CALN1: variants seen among roughly 807,000 people sequenced by gnomAD.
CALN1 encodes calneuron 1, also known as calcium-binding protein 8.
A neutral mutation model predicts 30.6 loss-of-function variants in CALN1; 17 were observed. That is an observed-to-expected ratio of 0.56 (90% confidence interval 0.38 to 0.83). The LOEUF is 0.83. Among genes scored for constraint, CALN1 ranks in the 40% least tolerant of loss-of-function variants. The pLI is 0.00. For missense variants in CALN1, 291 were observed against 354.9 expected, an observed-to-expected ratio of 0.82 and a Z score of 1.45; for synonymous variants, 156 against 131.4, an observed-to-expected ratio of 1.19 and a Z score of -1.28.
At chr7:72,310,513 G>A (rs943650506) in intron 2 of CALN1, among the ~76,000 whole-genome samples, 1 of 151,818 alleles carries the variant, frequency 6.6e-6, no homozygotes, top group Admixed American at 6.6e-5. Flanking sequence ...TCACCCTAGT[G>A]CCATTTAGAT....
chr7:72,053,408 A>G (rs896559973), intron 4 of CALN1, among the ~76,000 whole-genome samples: 3 of 152,186 alleles, frequency 2.0e-5, no homozygotes, highest in African/African-American at 7.2e-5. Context: ...ACAGAACAAC[A>G]ACTCAGAGCA....
intron 3 of CALN1, among the ~76,000 whole-genome samples, chr7:72,125,148 C>T (rs890428862): frequency 1.1e-4 from 16 of 152,210 alleles, no homozygotes; most frequent in African/African-American, 2.9e-4. Context: ...TGTGCCTCAG[C>T]GTCCTAAATA....
chr7:72,089,911 C>G (rs1380742288), intron 4 of CALN1, among the ~76,000 whole-genome samples: 1 of 152,144 alleles, frequency 6.6e-6, no homozygotes, highest in Non-Finnish European at 1.5e-5. Flanking sequence ...ATACAAAAAG[C>G]CTTGTAGCAT....
At chr7:72,219,820 C>T (rs1417470935) in intron 3 of CALN1, among the ~76,000 whole-genome samples, 2 of 152,042 alleles carry the variant, frequency 1.3e-5, no homozygotes, top group African/African-American at 4.8e-5. Context: ...ATTTCAATGG[C>T]TGAACTGTCA....
upstream of CALN1, among the ~76,000 whole-genome samples, chr7:72,415,583 A>G (rs1807396290): frequency 6.6e-6 from 1 of 152,258 alleles, no homozygotes; most frequent in Non-Finnish European, 1.5e-5. Flanking sequence ...GAAAACCAAC[A>G]CACAAGTAAC....
At chr7:72,173,154 C>T (rs947571867) in intron 3 of CALN1, among the ~76,000 whole-genome samples, 1 of 151,646 alleles carries the variant, frequency 6.6e-6, no homozygotes, top group Non-Finnish European at 1.5e-5. Flanking sequence ...TGCTGTACTT[C>T]TATATAGGAG....
intron 5 of CALN1, among the ~76,000 whole-genome samples, chr7:71,967,845 G>A (rs905012515): frequency 6.6e-6 from 1 of 152,008 alleles, no homozygotes; most frequent in Non-Finnish European, 1.5e-5. Flanking sequence ...TTATTAAACA[G>A]GCTAAAATTT....
intron 5 of CALN1, among the ~76,000 whole-genome samples, chr7:71,983,931 A>C (rs1220161513): frequency 1.3e-5 from 2 of 152,238 alleles, no homozygotes; most frequent in Non-Finnish European, 2.9e-5. Context: ...AACTATATTA[A>C]AGAGACATTA....
intron 3 of CALN1, among the ~76,000 whole-genome samples, chr7:72,136,074 G>A (rs893079087): frequency 2.0e-5 from 3 of 151,902 alleles, no homozygotes; most frequent in Non-Finnish European, 4.4e-5. Flanking sequence ...GGCAGAGGTT[G>A]CAGTGAGCCA....
chr7:71,870,851 G>A (rs1791880727), intron 5 of CALN1, among the ~76,000 whole-genome samples: 1 of 152,162 alleles, frequency 6.6e-6, no homozygotes, highest in African/African-American at 2.4e-5. Flanking sequence ...GCCTTGCATG[G>A]TTGGTGGAGA....
At chr7:71,950,452 C>G (rs976798285) in intron 5 of CALN1, among the ~76,000 whole-genome samples, 1 of 152,134 alleles carries the variant, frequency 6.6e-6, no homozygotes, top group African/African-American at 2.4e-5. Context: ...ATCTTTGATT[C>G]TGTGTCTTCC....
chr7:72,043,455 T>C (rs1191827553), intron 4 of CALN1, among the ~76,000 whole-genome samples: 2 of 152,036 alleles, frequency 1.3e-5, no homozygotes, highest in Non-Finnish European at 2.9e-5. Flanking sequence ...GAATGAAAAA[T>C]ATCAGTTAAC....
chr7:72,466,837 G>A, the CALN1 span, among the ~76,000 whole-genome samples: 3 of 126,090 alleles, frequency 2.4e-5, no homozygotes, highest in Non-Finnish European at 5.0e-5. Flanking sequence ...GAAAGAGAGA[G>A]AAAGAAAAGA....
chr7:71,978,728 T>C (rs952919792), intron 5 of CALN1, among the ~76,000 whole-genome samples: 8 of 152,220 alleles, frequency 5.3e-5, no homozygotes, highest in Non-Finnish European at 8.8e-5. Context: ...CTGAATTGAC[T>C]GCAGTTTATC....
intron 2 of CALN1, among the ~76,000 whole-genome samples, chr7:72,356,218 T>G (rs1803219446): frequency 6.6e-6 from 1 of 152,060 alleles, no homozygotes; most frequent in African/African-American, 2.4e-5. Context: ...AAGATATGGT[T>G]TCAAATGGAG....
intron 6 of CALN1, among the ~76,000 whole-genome samples, chr7:71,789,115 T>C (rs949382717): frequency 1.3e-5 from 2 of 152,090 alleles, no homozygotes; most frequent in Non-Finnish European, 2.9e-5. Context: ...TGGGAGGTTT[T>C]TGAAAATGCA....
chr7:72,311,722 C>T lies in CALN1; in HGVS notation c.120-32912G>A, dbSNP rs113152827. Among the ~76,000 whole-genome samples the T allele has an allele frequency of 5.2e-5, 7 of 133,572 alleles. No individual in the cohort carries two copies. The East Asian group carries it at 1.3e-3, about 25-fold the overall frequency. 87.6% of individuals were successfully genotyped at this position (133,572 alleles called of 152,430 possible). A position where few individuals can be genotyped will look rare whatever the true frequency, so the allele number is the denominator to read the frequency against. ...ATGTTGCCCAGGCTGGTCTCGAACT[C>T]CTGAGCTCAAGCGATCCACCTGCCT... On this transcript the variant is annotated intron_variant, in intron 2 of 6. Transcript: ENST00000395275.
intron 4 of CALN1, among the ~76,000 whole-genome samples, chr7:72,070,302 C>T (rs1469533129): frequency 6.6e-6 from 1 of 152,182 alleles, no homozygotes; most frequent in Non-Finnish European, 1.5e-5. Context: ...AAAAGTTGCA[C>T]TAGGTCCTCG....
chr7:72,444,528 G>A (rs1562971220), intron 1 of CALN1, among the ~76,000 whole-genome samples: 1 of 152,166 alleles, frequency 6.6e-6, no homozygotes, highest in East Asian at 1.9e-4. Context: ...AAACTTTTAT[G>A]TTGTTTCCAC....
Sources: gnomAD v4.1 joint callset for allele counts (sites outside exome capture counted in the v4.1 genomes callset) on GRCh38, gnomAD v4.1.1 for gene constraint, MANE v1.5 for transcripts, NCBI Gene and HGNC (gene_info 2026-07-23, HGNC 2026-07-21) for gene names.